The following C9orf43 variants were observed in gnomAD, a reference collection of about 807,000 sequenced individuals.
C9orf43 encodes the protein uncharacterized protein C9orf43.
C9orf43 carries 45 observed loss-of-function variants against 59.1 expected under a neutral mutation model. The ratio of observed to expected loss-of-function variants is 0.76; its 90% confidence interval spans 0.60 to 0.98. The LOEUF (loss-of-function observed/expected upper bound fraction) is 0.98, where lower values mean the gene tolerates loss of function less well. Ranked by LOEUF, C9orf43 falls within the 50% of genes least tolerant of loss-of-function variation. The probability of loss-of-function intolerance (pLI) is 0.00; values close to 1 mark genes in which losing one functional copy is unlikely to be tolerated. For synonymous variants in C9orf43, 203 were observed against 196.8 expected (o/e 1.03, Z -0.26); for missense variants, 533 against 554.9 (o/e 0.96, Z 0.40).
chr9:113,425,351 G>GA lies in C9orf43; in HGVS notation c.876dup (p.Gln293ThrfsTer20). The stretch of plus-strand genomic sequence containing the variant: ...TGGCTCTCTGGTCACCAGGTTACAG[G>GA]AAACAGCAGCAGCGGCAGCAGCAGC... On this transcript the variant is annotated frameshift_variant, in exon 10 of 14. Coordinates refer to ENST00000374165, the MANE Select transcript of C9orf43 (RefSeq NM_001278629.2). LOFTEE classifies it high-confidence loss of function. 1 of 1,613,876 alleles carries GA rather than the reference G, an allele frequency of 6.2e-7. No individual in the cohort carries two copies. The highest frequency in any genetic ancestry group is 8.5e-7 in the Non-Finnish European group (1 of 1,179,992).
chr9:113,414,835 C>T (rs879498606), intron 3 of C9orf43, among the ~76,000 whole-genome samples: 3 of 152,146 alleles, frequency 2.0e-5, no homozygotes, highest in African/African-American at 4.8e-5. Flanking sequence ...AGAAAACCAT[C>T]CATATATGCC....
intron 3 of C9orf43, among the ~76,000 whole-genome samples, chr9:113,415,110 G>A (rs1410121260): frequency 6.6e-6 from 1 of 152,040 alleles, no homozygotes; most frequent in Non-Finnish European, 1.5e-5. Context: ...AGAATTACAG[G>A]TGTGAGCCAC....
Position 113,425,810 on chromosome 9 carries a change from C to G in C9orf43, c.1030+80C>G, listed in dbSNP as rs1222888358. On this transcript the variant is annotated intron_variant, in intron 11 of 13. Coordinates refer to ENST00000374165, the MANE Select transcript of C9orf43 (RefSeq NM_001278629.2). ...CTGAGGGCAGGAAAAGCTAAACATG[C>G]TCTTGTCATTTTGAGACCTGCCTTT... 9 of 1,143,936 alleles carry G rather than the reference C, an allele frequency of 7.9e-6. No homozygotes were observed. In the Admixed American group the frequency reaches 1.6e-4, roughly 20 times the overall value. 70.9% of individuals were successfully genotyped at this position (1,143,936 alleles called of 1,614,324 possible).
At chr9:113,415,352 C>T (rs751998781) in intron 3 of C9orf43, among the ~76,000 whole-genome samples, 1 of 152,120 alleles carries the variant, frequency 6.6e-6, no homozygotes, top group African/African-American at 2.4e-5. Context: ...CCATGTTTGC[C>T]CAGGCTGGTC....
At chr9:113,424,562 C>CT (rs1449251743) in intron 8 of C9orf43, among the ~76,000 whole-genome samples, 1 of 148,994 alleles carries the variant, frequency 6.7e-6, no homozygotes, top group East Asian at 2.0e-4. Context: ...GGGTCTCACT[C>CT]TGTCACCCAG....
intron 12 of C9orf43, among the ~76,000 whole-genome samples, chr9:113,428,538 C>T (rs1192257432): frequency 6.6e-6 from 1 of 152,120 alleles, no homozygotes; most frequent in African/African-American, 2.4e-5. Context: ...TTACTTGTGC[C>T]ACATTTTCTT....
At chr9:113,416,284 C>G (rs1417558678) in intron 3 of C9orf43, among the ~76,000 whole-genome samples, 1 of 152,206 alleles carries the variant, frequency 6.6e-6, no homozygotes, top group Admixed American at 6.5e-5. Flanking sequence ...GCCCCTTTAT[C>G]AGAACTTTGT....
chr9:113,410,843 T>TTGGAATCTGCTTTGCTCTCACA lies in C9orf43; in HGVS notation c.-207_-186dup, dbSNP rs1828107142. The stretch of plus-strand genomic sequence containing the variant: ...ACTTGATTTAGCAACCCTAAGCGGT[T>TTGGAATCTGCTTTGCTCTCACA]TGGAATCTGCTTTGCTCTCACAGGA... On this transcript the variant is annotated 5_prime_UTR_variant, in exon 1 of 14. It adds an upstream start codon to the 5' untranslated region. Coordinates refer to ENST00000374165, the MANE Select transcript of C9orf43 (RefSeq NM_001278629.2). The TTGGAATCTGCTTTGCTCTCACA allele has an allele frequency of 4.3e-6, 3 of 692,156 alleles. No homozygotes were observed. Among genetic ancestry groups the TTGGAATCTGCTTTGCTCTCACA allele is most frequent in the Non-Finnish European group, 5.4e-6 (3 of 560,196 alleles). 42.9% of individuals were successfully genotyped at this position (692,156 alleles called of 1,614,324 possible).
intron 1 of C9orf43, among the ~76,000 whole-genome samples, chr9:113,412,821 TG>T (rs1828220764): frequency 6.6e-6 from 1 of 152,232 alleles, no homozygotes; most frequent in East Asian, 1.9e-4. Context: ...ATATGGCCAA[TG>T]AATGAAAAGC....
chr9:113,411,043 T>G, intron 1 of C9orf43, 42 bp downstream of exon 1: 1 of 985,480 alleles, frequency 1.0e-6, no homozygotes, highest in Non-Finnish European at 1.2e-6. Context: ...TGTTGTTGTT[T>G]GTGTTTAACG....
intron 3 of C9orf43, among the ~76,000 whole-genome samples, chr9:113,415,831 T>G (rs1272897239): frequency 6.6e-6 from 1 of 152,208 alleles, no homozygotes. Flanking sequence ...TCTCATAGTA[T>G]TTTCTTTTCT....
At chr9:113,412,066 T>A (rs575801078) in intron 1 of C9orf43, among the ~76,000 whole-genome samples, 5 of 152,138 alleles carry the variant, frequency 3.3e-5, no homozygotes, top group Non-Finnish European at 7.3e-5. Flanking sequence ...GAAGCCTGAT[T>A]ATAGAGAAAT....
At chr9:113,427,200 G>A (rs1246951546) in intron 11 of C9orf43, among the ~76,000 whole-genome samples, 2 of 152,060 alleles carry the variant, frequency 1.3e-5, no homozygotes, top group Non-Finnish European at 2.9e-5. Flanking sequence ...ACGGAGTTTC[G>A]CTCTTGTTGC....
intron 3 of C9orf43, among the ~76,000 whole-genome samples, chr9:113,417,856 T>C (rs1375857325): frequency 6.6e-6 from 1 of 151,948 alleles, no homozygotes; most frequent in Non-Finnish European, 1.5e-5. Context: ...GAAGCAGGAG[T>C]CTGTGTCATG....
intron 3 of C9orf43, among the ~76,000 whole-genome samples, chr9:113,418,838 A>C (rs1459469484): frequency 1.3e-5 from 2 of 152,240 alleles, no homozygotes; most frequent in African/African-American, 4.8e-5. Context: ...TGGTGATATA[A>C]CTGTCTCTAG....
At chr9:113,427,705 A>G (rs1828841510) in intron 11 of C9orf43, among the ~76,000 whole-genome samples, 1 of 152,224 alleles carries the variant, frequency 6.6e-6, no homozygotes. Context: ...GTTTAGGGAA[A>G]GGGAGATTGA....
chr9:113,416,145 A>G (rs1828349735), intron 3 of C9orf43, among the ~76,000 whole-genome samples: 2 of 152,188 alleles, frequency 1.3e-5, no homozygotes, highest in Admixed American at 1.3e-4. Flanking sequence ...CCAGTCCTTC[A>G]TGACATGGTG....
In C9orf43 at chr9:113,423,507, C is replaced by A; in HGVS notation, c.656+9C>A. 6.2e-7 allele frequency: 1 copy of A among 1,606,984 alleles called. No individual in the cohort carries two copies. ...CAGGATCTACTGAAGGAGTAAGTAT[C>A]ATGTAGGTCTGTGGGAGAGCCAGAG... On this transcript the variant is annotated intron_variant, in intron 7 of 13. Transcript: ENST00000374165.
intron 11 of C9orf43, among the ~76,000 whole-genome samples, chr9:113,426,314 C>T (rs1416902119): frequency 6.6e-6 from 1 of 152,164 alleles, no homozygotes; most frequent in African/African-American, 2.4e-5. Context: ...GACATCTCCC[C>T]TTTTTGGAGT....
Sources: gnomAD v4.1 joint callset for allele counts (sites outside exome capture counted in the v4.1 genomes callset) on GRCh38, gnomAD v4.1.1 for gene constraint, MANE v1.5 for transcripts, NCBI Gene and HGNC (gene_info 2026-07-23, HGNC 2026-07-21) for gene names.